The following NIBAN1 variants were observed in gnomAD, a reference collection of about 807,000 sequenced individuals.
The protein encoded by NIBAN1 is protein Niban 1.
NIBAN1 carries 81 observed loss-of-function variants against 75.1 expected under a neutral mutation model. The ratio of observed to expected loss-of-function variants is 1.08; its 90% CI spans 0.90 to 1.30. The LOEUF is 1.30. NIBAN1 is among the 50% of genes most tolerant of loss of function. The pLI is 0.00. For missense variants in NIBAN1, 1,133 were observed against 1,128.1 expected, an observed-to-expected ratio of 1.00 and a Z score of -0.06; for synonymous variants, 436 against 424.8, an observed-to-expected ratio of 1.03 and a Z score of -0.32.
In NIBAN1 at chr1:184,795,164, C is replaced by T. The variant is rs1653806801; in HGVS notation, c.2600G>A (p.Gly867Glu). 6.2e-7 allele frequency: 1 copy of T among 1,614,188 alleles called. No individual in the cohort carries two copies. Among genetic ancestry groups the T allele is most frequent in the Non-Finnish European group, 8.5e-7 (1 of 1,180,056 alleles). ...CGTGGCCTGGGCCGCGCTGCTTTGCCCTCCCATCTCTTCTTGTTCCTCAGA... is the reference window on the plus strand; with the variant it reads ...CGTGGCCTGGGCCGCGCTGCTTTGCTCTCCCATCTCTTCTTGTTCCTCAGA... ...QVSEEQEEMG[G>E]QSSAAQATAS... The change falls in exon 14 of 14, where the codon GGG (glycine) becomes GAG (glutamate). Residue 867 changes from glycine (G) to glutamate (E), a missense_variant. By Grantham distance (98) the Gly-to-Glu change is moderately conservative. Coordinates refer to ENST00000367511, the MANE Select transcript of NIBAN1 (RefSeq NM_052966.4).
At chr1:184,805,009 C>T (rs1317561815) in intron 11 of NIBAN1, among the ~76,000 whole-genome samples, 1 of 152,098 alleles carries the variant, frequency 6.6e-6, no homozygotes, top group African/African-American at 2.4e-5. Context: ...AGGATGGTCT[C>T]GATCTCCTGA....
At chr1:184,876,742 A>C (rs1281889659) in intron 5 of NIBAN1, among the ~76,000 whole-genome samples, 1 of 152,158 alleles carries the variant, frequency 6.6e-6, no homozygotes, top group Non-Finnish European at 1.5e-5. Flanking sequence ...TTTAAAATTT[A>C]ACTTAGTAGT....
chr1:184,874,569 C>CAT (rs992703795), intron 5 of NIBAN1, among the ~76,000 whole-genome samples: 25 of 151,954 alleles, frequency 1.6e-4, no homozygotes, highest in African/African-American at 5.8e-4. Context: ...AGTAACATTA[C>CAT]ATATATATGT....
At chr1:184,956,435 A>G (rs1483776187) in intron 1 of NIBAN1, among the ~76,000 whole-genome samples, 1 of 152,208 alleles carries the variant, frequency 6.6e-6, no homozygotes, top group African/African-American at 2.4e-5. Context: ...ACTCAAATTC[A>G]GCACTTCTCC....
At position 184,867,863 on chromosome 1, in the gene NIBAN1, C is replaced by T. The variant is rs1444121437; in HGVS notation, c.601+16770G>A. 11 of 985,296 alleles carry T rather than the reference C, an allele frequency of 1.1e-5. No homozygotes were observed. In the East Asian group the frequency reaches 3.4e-4, roughly 30 times the overall value. 61.0% of individuals were successfully genotyped at this position (985,296 alleles called of 1,614,324 possible). On this transcript the variant is annotated intron_variant, in intron 5 of 13. Transcript: ENST00000367511. ...ATGTTCTGGACACAGTAGACCCTTA[C>T]CTTAATAGAGGCTCTTTTGTTCCAG...
chr1:184,919,494 A>C (rs1326962982), intron 1 of NIBAN1, among the ~76,000 whole-genome samples: 1 of 152,246 alleles, frequency 6.6e-6, no homozygotes, highest in Non-Finnish European at 1.5e-5. Context: ...GATTCAGTGC[A>C]AAGGGGAAAA....
At chr1:184,838,586 A>G (rs1346612424) in intron 5 of NIBAN1, among the ~76,000 whole-genome samples, 6 of 152,196 alleles carry the variant, frequency 3.9e-5, no homozygotes, top group Non-Finnish European at 7.3e-5. Context: ...TATTTGGTAG[A>G]CATGATTAAG....
intron 12 of NIBAN1, among the ~76,000 whole-genome samples, chr1:184,802,921 A>G (rs1654084170): frequency 6.6e-6 from 1 of 152,138 alleles, no homozygotes; most frequent in Admixed American, 6.5e-5. Flanking sequence ...CAGTGGCTTA[A>G]CCACTCAGGT....
At chr1:184,883,712 C>G (rs913512722) in intron 5 of NIBAN1, among the ~76,000 whole-genome samples, 1 of 152,174 alleles carries the variant, frequency 6.6e-6, no homozygotes, top group Non-Finnish European at 1.5e-5. Context: ...AAGCCAAGTC[C>G]AGGCCCCACG....
chr1:184,861,939 G>A (rs1194130354), intron 5 of NIBAN1, among the ~76,000 whole-genome samples: 2 of 152,178 alleles, frequency 1.3e-5, no homozygotes, highest in African/African-American at 4.8e-5. Flanking sequence ...AGTACTGTCA[G>A]CTAGGGACTA....
intron 1 of NIBAN1, among the ~76,000 whole-genome samples, chr1:184,926,463 C>A (rs1002033290): frequency 1.6e-4 from 25 of 152,180 alleles, no homozygotes; most frequent in African/African-American, 5.5e-4. Flanking sequence ...GTCTTGAACT[C>A]CTGACCTCAA....
chr1:184,886,897 TAGATCATGAGGTC>T (rs1656539933), intron 4 of NIBAN1, among the ~76,000 whole-genome samples: 1 of 151,748 alleles, frequency 6.6e-6, no homozygotes, highest in African/African-American at 2.4e-5. Context: ...CCAAGGAGGG[TAGATCATGAGGTC>T]AGGAGTTCAA....
At chr1:184,961,754 T>G (rs1340477217) in intron 1 of NIBAN1, among the ~76,000 whole-genome samples, 1 of 152,206 alleles carries the variant, frequency 6.6e-6, no homozygotes, top group Non-Finnish European at 1.5e-5. Flanking sequence ...TGTGACCCCA[T>G]TTTGATCAGT....
chr1:184,926,900 C>T (rs554686700), intron 1 of NIBAN1, among the ~76,000 whole-genome samples: 14 of 152,122 alleles, frequency 9.2e-5, no homozygotes, highest in African/African-American at 2.4e-4. Flanking sequence ...TCTTCAAGTT[C>T]GCTAATTCTT....
At position 184,812,227 on chromosome 1, in the gene NIBAN1, C is replaced by T. The variant is rs984160190; in HGVS notation, c.1174-3992G>A. 5.9e-5 allele frequency among the ~76,000 whole-genome samples: 9 copies of T among 152,182 alleles called. No homozygotes were observed. In the South Asian group the frequency reaches 8.3e-4, roughly 14 times the overall value. ...GAGACCACAAGTTGAAACTCCTAGTCGGAGGTTTGATTAAAGATGAGGAGG... is the reference window on the plus strand; with the variant it reads ...GAGACCACAAGTTGAAACTCCTAGTTGGAGGTTTGATTAAAGATGAGGAGG... On this transcript the variant is annotated intron_variant, in intron 9 of 13. Transcript: ENST00000367511.
intron 1 of NIBAN1, among the ~76,000 whole-genome samples, chr1:184,973,541 C>A (rs1658990624): frequency 6.6e-6 from 1 of 151,964 alleles, no homozygotes; most frequent in African/African-American, 2.4e-5. Context: ...CCAAATACGC[C>A]CAGGAAATAA....
intron 1 of NIBAN1, among the ~76,000 whole-genome samples, chr1:184,965,308 A>G (rs1323850833): frequency 6.6e-6 from 1 of 152,100 alleles, no homozygotes; most frequent in African/African-American, 2.4e-5. Flanking sequence ...CAAAAAAAAA[A>G]AAGAGAAGAA....
intron 1 of NIBAN1, among the ~76,000 whole-genome samples, chr1:184,926,626 T>C (rs981918354): frequency 6.6e-6 from 1 of 152,238 alleles, no homozygotes; most frequent in Non-Finnish European, 1.5e-5. Context: ...ATTGGATGTC[T>C]TGAGATAGTA....
intron 8 of NIBAN1, among the ~76,000 whole-genome samples, chr1:184,819,388 T>C (rs1654630100): frequency 6.6e-6 from 1 of 152,024 alleles, no homozygotes. Context: ...AAAATCACAA[T>C]AGGTTTTTCT....
Sources: gnomAD v4.1 joint callset for allele counts (sites outside exome capture counted in the v4.1 genomes callset) on GRCh38, gnomAD v4.1.1 for gene constraint, MANE v1.5 for transcripts, NCBI Gene and HGNC (gene_info 2026-07-23, HGNC 2026-07-21) for gene names.